The following USH2A variants were observed in gnomAD, a reference collection of about 807,000 sequenced individuals.
USH2A encodes the protein Usher syndrome 2A (autosomal recessive, mild).
Under a neutral mutation model 538.9 loss-of-function variants are expected in USH2A, and 443 were observed. The observed-to-expected ratio is 0.82, with a 90% CI of 0.76 to 0.89. The LOEUF (loss-of-function observed/expected upper bound fraction) is 0.89. USH2A is among the 40% of genes least tolerant of loss of function. The pLI is 0.00. For missense variants in USH2A, 6,633 were observed against 6,324.8 expected, an observed-to-expected ratio of 1.05 and a Z score of -1.65; for synonymous variants, 2,413 against 2,273.5, an observed-to-expected ratio of 1.06 and a Z score of -1.75.
chr1:216,418,437 A>C, intron 3 of USH2A, 77 bp downstream of exon 3: 4 of 1,531,224 alleles, frequency 2.6e-6, no homozygotes, highest in Non-Finnish European at 3.6e-6. Context: ...TTTTGTGAGT[A>C]GATGCCATTT....
chr1:216,342,274 A>T (rs2038090898), intron 4 of USH2A, among the ~76,000 whole-genome samples: 1 of 152,200 alleles, frequency 6.6e-6, no homozygotes, highest in Non-Finnish European at 1.5e-5. Flanking sequence ...GAGAAATGCA[A>T]ATCAAAACCA....
chr1:215,800,901 A>T (rs1662309241), intron 49 of USH2A, among the ~76,000 whole-genome samples: 1 of 152,156 alleles, frequency 6.6e-6, no homozygotes, highest in African/African-American at 2.4e-5. Flanking sequence ...AGCAAACTGA[A>T]TTCAAAAGCA....
chr1:216,202,724 C>G (rs974247032), intron 16 of USH2A, among the ~76,000 whole-genome samples: 2 of 152,094 alleles, frequency 1.3e-5, no homozygotes, highest in East Asian at 3.9e-4. Flanking sequence ...CTGAATATAC[C>G]TTATTTTCTT....
rs1667036678 is a variant in USH2A, at chr1:215,955,342, A to C, written c.7120+9975T>G. ...AGAAACAGGCACCATCATTCGTATA[A>C]ATTTAAATGTCTAACAAATTTAGCA... On this transcript the variant is annotated intron_variant, in intron 37 of 71. Coordinates refer to ENST00000307340, the MANE Select transcript of USH2A (RefSeq NM_206933.4). 2.6e-5 allele frequency among the ~76,000 whole-genome samples: 4 copies of C among 152,148 alleles called. No individual in the cohort carries two copies. In the South Asian group the frequency reaches 8.3e-4, roughly 32 times the overall value.
At chr1:216,363,651 ACTG>A (rs1473890488) in intron 4 of USH2A, among the ~76,000 whole-genome samples, 2 of 152,070 alleles carry the variant, frequency 1.3e-5, no homozygotes, top group Non-Finnish European at 2.9e-5. Context: ...CCATAAAATA[ACTG>A]CTAATTGCAC....
intron 22 of USH2A, among the ~76,000 whole-genome samples, chr1:216,095,691 TGG>T (rs2032425441): frequency 6.6e-6 from 1 of 152,126 alleles, no homozygotes; most frequent in African/African-American, 2.4e-5. Context: ...GTCCTTCGAG[TGG>T]CCACTGTGCG....
In USH2A at chr1:215,703,456, T is replaced by C. The variant is rs541326602; in HGVS notation, c.12067-23080A>G. On this transcript the variant is annotated intron_variant, in intron 61 of 71. Coordinates refer to ENST00000307340, the MANE Select transcript of USH2A (RefSeq NM_206933.4). ...GTGCTCTGTCCCAGGGAGATGGGAG[T>C]TTTTCTCTAAGTTCCTGACTGGGGC... 7.1e-4 allele frequency among the ~76,000 whole-genome samples: 108 copies of C among 151,736 alleles called. 1 individual carries two copies. Among genetic ancestry groups the C allele is most frequent in the Non-Finnish European group, 2.9e-5 (2 of 67,920 alleles).
rs201529124 is a variant in USH2A, at chr1:216,097,109, G to A, written c.4732C>T (p.Arg1578Cys). 22 of 1,613,996 alleles carry A rather than the reference G, an allele frequency of 1.4e-5. No homozygotes were observed. Among genetic ancestry groups the A allele is most frequent in the African/African-American group, 5.3e-5 (4 of 75,006 alleles). ...EYFALQLKKG[R>C]LYFLFDPQGS... ...TGAGGATCAAAAAGAAAATAAAGAC[G>A]TCCCTTCTTCAACTGAAGTGCAAAA... The change falls in exon 22 of 72, where the codon CGT becomes TGT. Residue 1578 changes from arginine to cysteine, a missense_variant. Physicochemically the swap from Arg to Cys is radical, Grantham distance 180. Coordinates refer to ENST00000307340, the MANE Select transcript of USH2A (RefSeq NM_206933.4).
intron 21 of USH2A, chr1:216,174,571 T>C (rs924468436): frequency 1.0e-6 from 1 of 982,052 alleles, no homozygotes; most frequent in Non-Finnish European, 1.2e-6. Flanking sequence ...TTTTTAAAAA[T>C]ATTGCATTAA....
chr1:216,285,850 G>A (rs2036873060), intron 11 of USH2A, among the ~76,000 whole-genome samples: 1 of 152,308 alleles, frequency 6.6e-6, no homozygotes, highest in Non-Finnish European at 1.5e-5. Flanking sequence ...TGCCCCATTG[G>A]GTTTCAGACT....
At chr1:215,826,249 G>C (rs1431161846) in intron 47 of USH2A, among the ~76,000 whole-genome samples, 2 of 152,180 alleles carry the variant, frequency 1.3e-5, no homozygotes, top group Admixed American at 1.3e-4. Flanking sequence ...AGCAGGAAGA[G>C]TCTTTGGAAT....
At chr1:215,943,268 C>T (rs901687686) in intron 37 of USH2A, among the ~76,000 whole-genome samples, 3 of 151,926 alleles carry the variant, frequency 2.0e-5, no homozygotes, top group Non-Finnish European at 4.4e-5. Context: ...GATATATATT[C>T]CCTATAATAT....
At chr1:216,008,690 A>G (rs1296049450) in intron 32 of USH2A, among the ~76,000 whole-genome samples, 1 of 152,136 alleles carries the variant, frequency 6.6e-6, no homozygotes, top group Non-Finnish European at 1.5e-5. Flanking sequence ...CATCTCACCA[A>G]TTTTAAATTG....
intron 35 of USH2A, among the ~76,000 whole-genome samples, chr1:215,989,632 G>A (rs1203286930): frequency 6.6e-6 from 1 of 152,096 alleles, no homozygotes. Context: ...CTTCACTAGA[G>A]AAGTGCAGTC....
chr1:216,249,839 C>T (rs2036124661), intron 12 of USH2A, among the ~76,000 whole-genome samples: 2 of 151,842 alleles, frequency 1.3e-5, no homozygotes, highest in Non-Finnish European at 2.9e-5. Flanking sequence ...ATGATATGTA[C>T]ATATGCATGT....
At chr1:215,803,611 G>C (rs560057456) in intron 49 of USH2A, among the ~76,000 whole-genome samples, 3,130 of 151,902 alleles carry the variant, frequency 0.021, 103 homozygotes, top group African/African-American at 0.072. Context: ...GAACTACAAA[G>C]CACTGCTCAA....
At chr1:216,356,019 A>G (rs1365737604) in intron 4 of USH2A, among the ~76,000 whole-genome samples, 1 of 152,124 alleles carries the variant, frequency 6.6e-6, no homozygotes, top group Non-Finnish European at 1.5e-5. Context: ...CATTTTATAA[A>G]TGAGAAAACA....
At position 216,414,460 on chromosome 1, in the gene USH2A, T is replaced by A. The variant is rs986199836; in HGVS notation, c.651+4054A>T. 5.3e-5 allele frequency among the ~76,000 whole-genome samples: 8 copies of A among 152,094 alleles called. No homozygotes were observed. In the South Asian group the frequency reaches 6.2e-4, roughly 12 times the overall value. ...TAGGAAATTCGATTTCCAATTTTGGTATGTCTGGATTTCCTGACATCTTTT... is the reference window on the plus strand; with the variant it reads ...TAGGAAATTCGATTTCCAATTTTGGAATGTCTGGATTTCCTGACATCTTTT... On this transcript the variant is annotated intron_variant, in intron 3 of 71. Transcript: ENST00000307340.
rs1224894115 is a variant in USH2A, at chr1:215,976,669, T to C, written c.6806-5893A>G. On this transcript the variant is annotated intron_variant, in intron 35 of 71. Coordinates refer to ENST00000307340, the MANE Select transcript of USH2A (RefSeq NM_206933.4). ...ATGAATACATTTATTGATTTGTATA[T>C]GTTTAGCCAAACTTGGCATCCTAGG... Among the ~76,000 whole-genome samples, 3 of 152,212 alleles carry C rather than the reference T, an allele frequency of 2.0e-5. No homozygotes were observed. The South Asian group carries it at 6.2e-4, about 32-fold the overall frequency.
Sources: gnomAD v4.1 joint callset for allele counts (sites outside exome capture counted in the v4.1 genomes callset) on GRCh38, gnomAD v4.1.1 for gene constraint, MANE v1.5 for transcripts, NCBI Gene and HGNC (gene_info 2026-07-23, HGNC 2026-07-21) for gene names.